Variants in TRMT44 observed in about 807,000 individuals in gnomAD.
TRMT44 encodes probable tRNA (uracil-O(2)-)-methyltransferase.
Under a neutral mutation model 77.3 loss-of-function variants are expected in TRMT44, and 78 were observed. The observed-to-expected ratio is 1.01, with a 90% CI of 0.84 to 1.22. The LOEUF (loss-of-function observed/expected upper bound fraction) is 1.22, where lower values mean the gene tolerates loss of function less well. TRMT44 is among the 50% of genes most tolerant of loss of function. The pLI is 0.00. For missense variants in TRMT44, 1,090 were observed against 964.4 expected (o/e 1.13, Z -1.73); for synonymous variants, 391 against 383.3 (o/e 1.02, Z -0.23).
rs767204678 is a variant in TRMT44, at chr4:8,452,666, G to A, written c.1024-216G>A. On this transcript the variant is annotated intron_variant, in intron 4 of 10. Coordinates refer to ENST00000389737, the MANE Select transcript of TRMT44 (RefSeq NM_152544.3). This position sits in a 1 kb window ranked among gnomAD's most constrained non-coding sequence, Gnocchi z 5.7. ...GGAGAATTGCTTGAACCCAGGAGGC[G>A]GAGGTTGCAGTGACCAGAGATTGCA... 1.3e-5 allele frequency among the ~76,000 whole-genome samples: 2 copies of A among 152,010 alleles called. No individual in the cohort carries two copies. Among genetic ancestry groups the A allele is most frequent in the African/African-American group, 4.8e-5 (2 of 41,374 alleles).
rs1579073871 is a variant in TRMT44 at position 8,467,786 on chromosome 4, T to TA, written c.1495-125dup. ...CCGTACCTGGCTGGTGTCAGTTTTTTAAATCAGGATTTTTTCATGATAGAC... is the reference window on the plus strand; with the variant it reads ...CCGTACCTGGCTGGTGTCAGTTTTTTAAAATCAGGATTTTTTCATGATAGAC... On this transcript the variant is annotated intron_variant, in intron 8 of 10. Coordinates refer to ENST00000389737, the MANE Select transcript of TRMT44 (RefSeq NM_152544.3). The TA allele has an allele frequency of 8.1e-6, 9 of 1,109,480 alleles. No individual in the cohort carries two copies. The East Asian group carries it at 2.3e-4, about 28-fold the overall frequency. 68.7% of individuals were successfully genotyped at this position (1,109,480 alleles called of 1,614,324 possible).
At chr4:8,502,312 A>C in the TRMT44 span, among the ~76,000 whole-genome samples, 1 of 152,228 alleles carries the variant, frequency 6.6e-6, no homozygotes, top group Non-Finnish European at 1.5e-5. Flanking sequence ...TGTTGACCAC[A>C]TCTGCAATCC....
intron 2 of TRMT44, among the ~76,000 whole-genome samples, chr4:8,489,381 C>A (rs1727920984): frequency 6.6e-6 from 1 of 152,220 alleles, no homozygotes; most frequent in Non-Finnish European, 1.5e-5. Context: ...GCTAACCCAC[C>A]CCCATCTTAC....
At chr4:8,515,575 C>T in the TRMT44 span, among the ~76,000 whole-genome samples, 1 of 152,160 alleles carries the variant, frequency 6.6e-6, no homozygotes, top group Non-Finnish European at 1.5e-5. Context: ...CTTACCCAAC[C>T]CGAGTCGGGT....
chr4:8,443,418 A>G (rs1724874956), intron 1 of TRMT44, among the ~76,000 whole-genome samples: 1 of 152,250 alleles, frequency 6.6e-6, no homozygotes, highest in Admixed American at 6.5e-5. Flanking sequence ...AAGGCTCACC[A>G]GAGGACTTGT....
At chr4:8,469,090 T>C (rs1726802128) in intron 9 of TRMT44, among the ~76,000 whole-genome samples, 1 of 152,224 alleles carries the variant, frequency 6.6e-6, no homozygotes, top group Non-Finnish European at 1.5e-5. Flanking sequence ...AGGCTTTGCT[T>C]TCCTCACCTA....
downstream of TRMT44, among the ~76,000 whole-genome samples, chr4:8,497,243 G>GTC (rs914189289): frequency 1.3e-5 from 2 of 151,832 alleles, no homozygotes; most frequent in Admixed American, 1.3e-4. Context: ...TTTTACAAAT[G>GTC]TCTCTATTTA....
chr4:8,464,731 A>C (rs1393820687), intron 7 of TRMT44, among the ~76,000 whole-genome samples: 2 of 152,244 alleles, frequency 1.3e-5, no homozygotes, highest in African/African-American at 4.8e-5. Context: ...GAAGTTTCAG[A>C]TGACCCTTGA....
At chr4:8,458,756 C>T (rs766319390) in intron 6 of TRMT44, among the ~76,000 whole-genome samples, 1 of 151,910 alleles carries the variant, frequency 6.6e-6, no homozygotes, top group Non-Finnish European at 1.5e-5. Flanking sequence ...CAGCCAGCCA[C>T]GATTTTCTTA....
At chr4:8,491,726 C>A (rs1337995756) in intron 2 of TRMT44, among the ~76,000 whole-genome samples, 4 of 152,256 alleles carry the variant, frequency 2.6e-5, no homozygotes, top group Non-Finnish European at 5.9e-5. Context: ...CAAACCCACG[C>A]CCACCCGGAA....
At chr4:8,507,902 T>A in the TRMT44 span, among the ~76,000 whole-genome samples, 10 of 78,992 alleles carry the variant, frequency 1.3e-4, no homozygotes, top group African/African-American at 3.8e-4. Context: ...TTGCTTTGAT[T>A]TGTTTTGTTT....
chr4:8,475,906 G>A lies in TRMT44; in HGVS notation c.2179G>A (p.Asp727Asn), dbSNP rs1560244162. ...RLCWFFMHHP[D>N]GCALSTDCCP... is the part of the protein sequence containing the mutation. ...CTGCTGGTTCTTCATGCATCACCCT[G>A]ATGGCTGCGCTCTGTCCACGGACTG... The change falls in exon 11 of 11, where the codon GAT (aspartate) becomes AAT (asparagine). Residue 727 changes from aspartate (D) to asparagine (N), a missense_variant. Coordinates refer to ENST00000389737, the MANE Select transcript of TRMT44 (RefSeq NM_152544.3). The A allele has an allele frequency of 1.2e-6, 2 of 1,614,070 alleles. No individual in the cohort carries two copies. The highest frequency in any genetic ancestry group is 1.7e-6 in the Non-Finnish European group (2 of 1,180,062).
At chr4:8,503,487 C>T in the TRMT44 span, among the ~76,000 whole-genome samples, 3 of 152,326 alleles carry the variant, frequency 2.0e-5, no homozygotes, top group South Asian at 2.1e-4. Flanking sequence ...ACACAGCACT[C>T]GGTCCCAGAG....
At chr4:8,512,387 C>T in the TRMT44 span, 3 of 152,120 alleles carry the variant, frequency 2.0e-5, no homozygotes, top group Non-Finnish European at 1.5e-5. Context: ...TAATTATCAA[C>T]GTTATTTTTG....
At chr4:8,495,856 C>T (rs1250264399), downstream of TRMT44, among the ~76,000 whole-genome samples, 2 of 152,178 alleles carry the variant, frequency 1.3e-5, no homozygotes, top group African/African-American at 2.4e-5. Flanking sequence ...GATTGGTTCC[C>T]TCCCACAAAC....
At chr4:8,462,214 C>G (rs572571667) in intron 6 of TRMT44, among the ~76,000 whole-genome samples, 1 of 150,504 alleles carries the variant, frequency 6.6e-6, no homozygotes, top group Non-Finnish European at 1.5e-5. Context: ...AGTTCAAGAC[C>G]AGCCTGACCA....
chr4:8,467,593 G>A (rs1413669566), intron 8 of TRMT44, among the ~76,000 whole-genome samples: 1 of 152,130 alleles, frequency 6.6e-6, no homozygotes, highest in African/African-American at 2.4e-5. Flanking sequence ...TGATCCTCCT[G>A]CCTCAGCCTC....
intron 10 of TRMT44, among the ~76,000 whole-genome samples, chr4:8,472,563 C>T (rs541750131): frequency 2.0e-5 from 3 of 152,008 alleles, no homozygotes; most frequent in South Asian, 2.1e-4. Flanking sequence ...AGAGTGCAAG[C>T]GTGTGGGTTT....
downstream of TRMT44, chr4:8,478,289 A>C (rs1727490566): frequency 6.5e-6 from 1 of 152,752 alleles, no homozygotes; most frequent in Non-Finnish European, 1.5e-5. Flanking sequence ...TCAAAGGAGC[A>C]TCAGATGGGG....
Sources: allele counts gnomAD v4.1 joint callset (sites outside exome capture counted in the v4.1 genomes callset), GRCh38; gene constraint gnomAD v4.1.1; non-coding constraint Gnocchi (gnomAD v3.1); transcripts MANE v1.5; gene names NCBI Gene and HGNC (gene_info 2026-07-23, HGNC 2026-07-21).